The following SGCZ variants were observed in gnomAD, a reference collection of about 807,000 sequenced individuals.
SGCZ encodes zeta-sarcoglycan.
SGCZ carries 40 observed loss-of-function variants against 41.3 expected under a neutral mutation model. The observed-to-expected ratio is 0.97, with a 90% CI of 0.75 to 1.26. The LOEUF is 1.26. SGCZ is among the 50% of genes most tolerant of loss of function. SGCZ has a pLI of 0.00. For missense variants in SGCZ, 552 were observed against 369.8 expected, an observed-to-expected ratio of 1.49 and a Z score of -4.04; for synonymous variants, 206 against 137.5, an observed-to-expected ratio of 1.50 and a Z score of -3.49.
At chr8:14,725,827 G>A (rs887068961) in intron 1 of SGCZ, among the ~76,000 whole-genome samples, 1 of 152,212 alleles carries the variant, frequency 6.6e-6, no homozygotes, top group South Asian at 2.1e-4. Context: ...GACTTTATTA[G>A]AATAATGTGT....
intron 3 of SGCZ, among the ~76,000 whole-genome samples, chr8:14,294,572 T>C (rs751313438): frequency 6.6e-6 from 1 of 151,922 alleles, no homozygotes; most frequent in Non-Finnish European, 1.5e-5. Flanking sequence ...AAATCAAACT[T>C]TAAGATTGTT....
chr8:14,138,702 A>C (rs184280606), intron 5 of SGCZ, among the ~76,000 whole-genome samples: 25 of 152,294 alleles, frequency 1.6e-4, no homozygotes, highest in Admixed American at 1.3e-3. Flanking sequence ...AAGTTCTTAC[A>C]CACCTACAAA....
At chr8:14,950,374 C>A (rs1800594417) in intron 1 of SGCZ, among the ~76,000 whole-genome samples, 1 of 151,434 alleles carries the variant, frequency 6.6e-6, no homozygotes, top group Non-Finnish European at 1.5e-5. Flanking sequence ...TCCTCCTTTC[C>A]TCCCTTCTTT....
At chr8:14,912,253 A>T (rs1311191869) in intron 1 of SGCZ, among the ~76,000 whole-genome samples, 2 of 151,984 alleles carry the variant, frequency 1.3e-5, no homozygotes, top group African/African-American at 4.8e-5. Flanking sequence ...CTCTGGCTTG[A>T]CTTAATGACT....
intron 1 of SGCZ, among the ~76,000 whole-genome samples, chr8:15,016,707 C>A (rs1276254910): frequency 6.6e-6 from 1 of 151,978 alleles, no homozygotes; most frequent in Non-Finnish European, 1.5e-5. Context: ...ATTGCTATAA[C>A]GAGGTATCTG....
At chr8:14,164,964 T>G in intron 4 of SGCZ, 1 of 362,910 alleles carries the variant, frequency 2.8e-6, no homozygotes, top group Non-Finnish European at 5.1e-6. Flanking sequence ...TTAAGAGCCC[T>G]TCACATATCC....
At chr8:15,174,345 A>G (rs1414847989) in intron 1 of SGCZ, among the ~76,000 whole-genome samples, 1 of 152,188 alleles carries the variant, frequency 6.6e-6, no homozygotes, top group East Asian at 1.9e-4. Flanking sequence ...GGTTGTTTCC[A>G]TGTTTTTGCT....
In SGCZ at chr8:15,169,860, T is replaced by A. The variant is rs990535821; in HGVS notation, c.39+67725A>T. Reference sequence around the variant, plus strand: ...TTCCATTCTGGGGGGATGCAAACTCTCAGTCCACTGCACATGGTTTACCAT... The same window carrying A: ...TTCCATTCTGGGGGGATGCAAACTCACAGTCCACTGCACATGGTTTACCAT... On this transcript the variant is annotated intron_variant, in intron 1 of 7. Coordinates refer to ENST00000382080, the MANE Select transcript of SGCZ (RefSeq NM_139167.4). 7.9e-5 allele frequency among the ~76,000 whole-genome samples: 12 copies of A among 152,194 alleles called. No individual in the cohort carries two copies. In the South Asian group the frequency reaches 1.0e-3, roughly 13 times the overall value.
chr8:14,896,227 G>T (rs1209995529), intron 1 of SGCZ, among the ~76,000 whole-genome samples: 1 of 152,122 alleles, frequency 6.6e-6, no homozygotes, highest in African/African-American at 2.4e-5. Flanking sequence ...CGGGAAAGCT[G>T]ACTTTCAAGA....
intron 4 of SGCZ, among the ~76,000 whole-genome samples, chr8:14,167,597 GA>G (rs919536174): frequency 8.7e-5 from 13 of 150,146 alleles, no homozygotes; most frequent in South Asian, 4.2e-4. Context: ...GAATTGGCAA[GA>G]AAAAAAAAGA....
At chr8:14,549,323 C>G (rs1360680492) in intron 2 of SGCZ, among the ~76,000 whole-genome samples, 1 of 152,016 alleles carries the variant, frequency 6.6e-6, no homozygotes, top group Non-Finnish European at 1.5e-5. Context: ...TTCCTCCTAT[C>G]AGGGGAAGCT....
At chr8:15,199,168 A>G (rs534417815) in intron 1 of SGCZ, among the ~76,000 whole-genome samples, 12 of 152,324 alleles carry the variant, frequency 7.9e-5, no homozygotes, top group Non-Finnish European at 1.6e-4. Flanking sequence ...TTGGAATGAC[A>G]TTTCATTTTC....
rs1219358605 is a variant in SGCZ at position 14,088,228 on chromosome 8, C to T, written c.*2215G>A. On this transcript the variant is annotated 3_prime_UTR_variant, in exon 8 of 8. Coordinates refer to ENST00000382080, the MANE Select transcript of SGCZ (RefSeq NM_139167.4). Reference sequence around the variant, plus strand: ...CCCCAAGAGACTATTTTATTCAATACTTTTGCTGTGAAGTTGAGTAAACTG... The same window carrying T: ...CCCCAAGAGACTATTTTATTCAATATTTTTGCTGTGAAGTTGAGTAAACTG... 1.3e-5 allele frequency among the ~76,000 whole-genome samples: 2 copies of T among 151,694 alleles called. No individual in the cohort carries two copies. The highest frequency in any genetic ancestry group is 3.0e-5 in the Non-Finnish European group (2 of 67,794).
At chr8:15,100,978 A>C (rs1021547985) in intron 1 of SGCZ, among the ~76,000 whole-genome samples, 2 of 151,956 alleles carry the variant, frequency 1.3e-5, no homozygotes, top group African/African-American at 4.8e-5. Context: ...CATGTCTCAA[A>C]AAAAAAAAAA....
chr8:15,107,893 C>T (rs768280174), intron 1 of SGCZ, among the ~76,000 whole-genome samples: 6 of 152,104 alleles, frequency 3.9e-5, no homozygotes, highest in Admixed American at 3.3e-4. Flanking sequence ...TCACCCATTT[C>T]GTTCAGGTTT....
chr8:14,279,930 T>C (rs969131506), intron 3 of SGCZ, among the ~76,000 whole-genome samples: 5 of 151,904 alleles, frequency 3.3e-5, no homozygotes, highest in Admixed American at 3.3e-4. Context: ...AATATTTTGA[T>C]CTTGGCCTAG....
intron 1 of SGCZ, among the ~76,000 whole-genome samples, chr8:14,921,099 G>A (rs1051874426): frequency 5.3e-5 from 8 of 152,168 alleles, no homozygotes; most frequent in African/African-American, 1.7e-4. Context: ...CCCAGCTTCA[G>A]AGCTTGCAGT....
chr8:15,035,131 T>C (rs555221223), intron 1 of SGCZ, among the ~76,000 whole-genome samples: 1 of 152,108 alleles, frequency 6.6e-6, no homozygotes, highest in African/African-American at 2.4e-5. Flanking sequence ...CTATTAATGA[T>C]AATAATAGCT....
chr8:15,000,689 G>A (rs981516061), intron 1 of SGCZ, among the ~76,000 whole-genome samples: 1 of 152,092 alleles, frequency 6.6e-6, no homozygotes, highest in African/African-American at 2.4e-5. Context: ...ATTAAGTTGG[G>A]GCAACCAGCC....
Sources: gnomAD v4.1 joint callset for allele counts (sites outside exome capture counted in the v4.1 genomes callset) on GRCh38, gnomAD v4.1.1 for gene constraint, MANE v1.5 for transcripts, NCBI Gene and HGNC (gene_info 2026-07-23, HGNC 2026-07-21) for gene names.